Variants in CNOT6 observed in about 807,000 individuals in gnomAD.
CNOT6 encodes CCR4-NOT transcription complex subunit 6.
In CNOT6, 12 loss-of-function variants were observed where a neutral mutation model predicts 61.2. The observed-to-expected ratio is 0.20, with a 90% CI of 0.13 to 0.32. The LOEUF is 0.32. CNOT6 is among the 10% of genes least tolerant of loss of function. CNOT6 has a pLI of 1.00. For missense variants in CNOT6, 405 were observed against 663.9 expected (o/e 0.61, Z 4.28); for synonymous variants, 225 against 240.6 (o/e 0.94, Z 0.60).
chr5:180,525,410 A>C (rs1758056882), intron 1 of CNOT6, among the ~76,000 whole-genome samples: 1 of 151,978 alleles, frequency 6.6e-6, no homozygotes, highest in Admixed American at 6.6e-5. Context: ...GTGGTGGCGC[A>C]TGCCTGTAGT....
chr5:180,577,530 C>T lies in CNOT6; in HGVS notation c.*3330C>T, dbSNP rs1428377205. 6.6e-6 allele frequency: 1 copy of T among 152,608 alleles called. No homozygotes were observed. The highest frequency in any genetic ancestry group is 2.4e-5 in the African/African-American group (1 of 41,434). The allele number at this position is 152,608 out of a possible 1,614,324, so 9.5% of individuals were successfully genotyped here. On this transcript the variant is annotated 3_prime_UTR_variant, in exon 12 of 12. Coordinates refer to ENST00000261951, the MANE Select transcript of CNOT6 (RefSeq NM_001370472.1). ...CAGATGTTGCAGATAATTCCAAGAA[C>T]TCCTTCAGCAGGTGTTCTTCACCAT...
chr5:180,529,331 T>C lies in CNOT6; in HGVS notation c.55T>C (p.Ser19Pro). 6.2e-7 allele frequency: 1 copy of C among 1,613,922 alleles called. No individual in the cohort carries two copies. The highest frequency in any genetic ancestry group is 1.1e-5 in the South Asian group (1 of 91,016). The change falls in exon 2 of 12, where the codon TCT becomes CCT. Residue 19 changes from serine to proline, a missense_variant. Ser to Pro is a moderately conservative substitution (Grantham distance 74). Around this residue, in one of 5 missense-constraint regions of CNOT6, gnomAD observed 212 missense variants for 307.1 expected, o/e 0.69. Transcript: ENST00000261951. The stretch of plus-strand genomic sequence containing the variant: ...CCCTCGGAGGATGTATACAATTATG[T>C]CTTCTGAGGAAGCAGCAAATGGAAA... ...PDPRRMYTIMSSEEAANGKKS... is the reference protein window; with the variant it reads ...PDPRRMYTIMPSEEAANGKKS...
At chr5:180,555,840 A>G (rs533610781) in intron 4 of CNOT6, among the ~76,000 whole-genome samples, 1 of 152,328 alleles carries the variant, frequency 6.6e-6, no homozygotes, top group Non-Finnish European at 1.5e-5. Flanking sequence ...TGCCTCATGA[A>G]TCAGTTCATA....
intron 2 of CNOT6, among the ~76,000 whole-genome samples, chr5:180,538,686 G>GTATATATATATATATATATATATA (rs59342527): frequency 4.0e-4 from 34 of 85,104 alleles, no homozygotes; most frequent in East Asian, 3.8e-3. Context: ...TGAGAAAAAG[G>GTATATATATATATATATATATATA]TATATATATA....
chr5:180,550,886 T>C (rs1759561404), intron 3 of CNOT6, among the ~76,000 whole-genome samples: 2 of 152,196 alleles, frequency 1.3e-5, no homozygotes, highest in African/African-American at 4.8e-5. Context: ...GCATGAAATA[T>C]ATAGCATTTG....
intron 1 of CNOT6, among the ~76,000 whole-genome samples, chr5:180,498,122 T>C (rs1341914399): frequency 1.3e-5 from 2 of 151,988 alleles, no homozygotes; most frequent in African/African-American, 4.8e-5. Context: ...TATAATGGAA[T>C]GTACTGTATT....
intron 1 of CNOT6, among the ~76,000 whole-genome samples, chr5:180,508,407 G>A (rs550891384): frequency 1.3e-5 from 2 of 152,242 alleles, no homozygotes; most frequent in African/African-American, 2.4e-5. Flanking sequence ...TGCTACCTGG[G>A]CTCAAGCGAT....
intron 2 of CNOT6, among the ~76,000 whole-genome samples, chr5:180,542,606 T>A (rs1447124053): frequency 6.6e-6 from 1 of 152,220 alleles, no homozygotes; most frequent in Non-Finnish European, 1.5e-5. Flanking sequence ...CATAGTTATT[T>A]TGATTTCCTG....
At chr5:180,496,410 G>T (rs1007522883) in intron 1 of CNOT6, among the ~76,000 whole-genome samples, 14 of 152,220 alleles carry the variant, frequency 9.2e-5, no homozygotes, top group African/African-American at 3.4e-4. Flanking sequence ...GTGTGCGTGT[G>T]AGAGCGCATG....
chr5:180,567,374 C>T (rs532169339), intron 8 of CNOT6, 132 bp downstream of exon 8: 3 of 774,474 alleles, frequency 3.9e-6, no homozygotes, highest in African/African-American at 3.6e-5. Context: ...TACTGTTTGA[C>T]CTAGGGGGTT....
chr5:180,512,990 G>A (rs980038382), intron 1 of CNOT6, among the ~76,000 whole-genome samples: 10 of 151,800 alleles, frequency 6.6e-5, no homozygotes, highest in African/African-American at 2.4e-4. Flanking sequence ...CCGCCTCCTG[G>A]GTTCACGCCA....
intron 1 of CNOT6, among the ~76,000 whole-genome samples, 180 bp downstream of exon 1, chr5:180,494,943 C>G (rs1036838331): frequency 1.3e-5 from 2 of 151,394 alleles, no homozygotes; most frequent in Non-Finnish European, 2.9e-5. Context: ...TCGCGCCCCG[C>G]CCCGGGCCGC....
rs191579200 is a variant in CNOT6, at chr5:180,541,348, A to G, written c.113-8583A>G. On this transcript the variant is annotated intron_variant, in intron 2 of 11. Transcript: ENST00000261951. The stretch of plus-strand genomic sequence containing the variant: ...GACACGGGGTTTCACCATGTTGGCC[A>G]GGCTGGCCTCGAACTCCTGACCTCG... Among the ~76,000 whole-genome samples, 64 of 150,466 alleles carry G rather than the reference A, an allele frequency of 4.3e-4. No homozygotes were observed. The East Asian group carries it at 0.012, about 28-fold the overall frequency.
At chr5:180,522,905 G>T (rs1423692955) in intron 1 of CNOT6, among the ~76,000 whole-genome samples, 3 of 152,176 alleles carry the variant, frequency 2.0e-5, no homozygotes, top group Non-Finnish European at 2.9e-5. Context: ...GAATGTGTTT[G>T]CCCGCATTCT....
At chr5:180,556,691 G>A (rs968248236) in intron 4 of CNOT6, among the ~76,000 whole-genome samples, 2 of 152,158 alleles carry the variant, frequency 1.3e-5, no homozygotes, top group Non-Finnish European at 1.5e-5. Flanking sequence ...AGTGGCTCAC[G>A]CCTATAATCC....
intron 2 of CNOT6, among the ~76,000 whole-genome samples, chr5:180,535,704 A>G (rs1163465142): frequency 1.3e-5 from 2 of 152,182 alleles, no homozygotes; most frequent in East Asian, 3.9e-4. Context: ...TGGTAGTTGT[A>G]TTTGTAGTTC....
At chr5:180,526,495 C>T (rs1046553910) in intron 1 of CNOT6, among the ~76,000 whole-genome samples, 3 of 152,070 alleles carry the variant, frequency 2.0e-5, no homozygotes, top group African/African-American at 4.8e-5. Flanking sequence ...TGTTTCACTG[C>T]GAAAGTCAGG....
intron 2 of CNOT6, among the ~76,000 whole-genome samples, chr5:180,549,704 G>A (rs779276162): frequency 1.2e-4 from 19 of 152,038 alleles, no homozygotes; most frequent in Non-Finnish European, 2.4e-4. Context: ...TGCACTCTAA[G>A]TAGTATTGGT....
In CNOT6 at chr5:180,539,325, AT is replaced by A. The variant is rs1008123738; in HGVS notation, c.112+9948del. Among the ~76,000 whole-genome samples the A allele has an allele frequency of 8.1e-3, 1,196 of 146,934 alleles. 25 individuals are homozygous for A. Among genetic ancestry groups the A allele is most frequent in the Admixed American group, 0.037 (537 of 14,710 alleles). On this transcript the variant is annotated intron_variant, in intron 2 of 11. Coordinates refer to ENST00000261951, the MANE Select transcript of CNOT6 (RefSeq NM_001370472.1). Reference sequence around the variant, plus strand: ...AAAAACTGCATTTCCTCCTCCTTAAATTTTTTTTTTTGTAGTTATTCATTAT... The same window carrying A: ...AAAAACTGCATTTCCTCCTCCTTAAATTTTTTTTTTGTAGTTATTCATTAT...
Sources: allele counts gnomAD v4.1 joint callset (sites outside exome capture counted in the v4.1 genomes callset), GRCh38; gene constraint gnomAD v4.1.1; regional missense constraint gnomAD v4.1.1; transcripts MANE v1.5; gene names NCBI Gene and HGNC (gene_info 2026-07-23, HGNC 2026-07-21).